Variants in OTULIN observed in about 807,000 individuals in gnomAD.
OTULIN encodes the protein ubiquitin thioesterase otulin.
In OTULIN, 15 loss-of-function variants were observed where a neutral mutation model predicts 39.6. The ratio of observed to expected loss-of-function variants is 0.38; its 90% CI spans 0.25 to 0.58. The LOEUF (loss-of-function observed/expected upper bound fraction) is 0.58. Among genes scored for constraint, OTULIN ranks in the 20% least tolerant of loss-of-function variants. OTULIN has a pLI of 0.66. For synonymous variants in OTULIN, 156 were observed against 170.3 expected (o/e 0.92, Z 0.65); for missense variants, 319 against 445.9 (o/e 0.72, Z 2.56).
downstream of OTULIN, among the ~76,000 whole-genome samples, chr5:14,704,228 G>C (rs1736872800): frequency 6.7e-6 from 1 of 149,954 alleles, no homozygotes; most frequent in African/African-American, 2.5e-5. Context: ...TACTCGGGAG[G>C]CTGAGGGAGG....
At position 14,664,782 on chromosome 5, in the gene OTULIN, G is replaced by C; in HGVS notation, c.-44G>C. Reference sequence around the variant, plus strand: ...TGGCACCCCGACGGGAGGGGCTCCGGATCGTTCGGAGCCGGCTGAACCCCT... The same window carrying C: ...TGGCACCCCGACGGGAGGGGCTCCGCATCGTTCGGAGCCGGCTGAACCCCT... On this transcript the variant is annotated 5_prime_UTR_variant, in exon 1 of 7. Coordinates refer to ENST00000284274, the MANE Select transcript of OTULIN (RefSeq NM_138348.6). 8.6e-7 allele frequency: 1 copy of C among 1,157,076 alleles called. No homozygotes were observed. The highest frequency in any genetic ancestry group is 1.1e-6 in the Non-Finnish European group (1 of 938,602). 71.7% of individuals were successfully genotyped at this position (1,157,076 alleles called of 1,614,324 possible). A position where few individuals can be genotyped will look rare whatever the true frequency, so the allele number is the denominator to read the frequency against.
intron 3 of OTULIN, among the ~76,000 whole-genome samples, chr5:14,679,312 C>T (rs1008953237): frequency 4.6e-5 from 7 of 152,106 alleles, no homozygotes; most frequent in Admixed American, 1.3e-4. Context: ...CTGTTTGGTC[C>T]GGTTCATTAC....
At chr5:14,704,324 C>T (rs796879966), downstream of OTULIN, among the ~76,000 whole-genome samples, 9 of 77,864 alleles carry the variant, frequency 1.2e-4, 1 homozygote, top group South Asian at 5.8e-4. Flanking sequence ...AGGGAGACTC[C>T]GTCTCAAAAA....
the OTULIN span, chr5:14,709,623 T>G: frequency 6.6e-6 from 1 of 152,370 alleles, no homozygotes; most frequent in Non-Finnish European, 1.5e-5. Context: ...CTTTCCAGCT[T>G]GCACTTCTAT....
intron 2 of OTULIN, 65 bp downstream of exon 2, chr5:14,673,783 C>A: frequency 7.5e-7 from 1 of 1,325,834 alleles, no homozygotes; most frequent in South Asian, 1.3e-5. Context: ...CAGTTAAATC[C>A]GTATAACCAT....
downstream of OTULIN, among the ~76,000 whole-genome samples, chr5:14,701,402 CTT>C (rs1736793722): frequency 6.6e-6 from 1 of 152,164 alleles, no homozygotes; most frequent in Non-Finnish European, 1.5e-5. Context: ...AAGGGAAAGA[CTT>C]TTGGACCCCC....
At position 14,694,159 on chromosome 5, in the gene OTULIN, C is replaced by G. The variant is rs536473911; in HGVS notation, c.*1111C>G. The G allele has an allele frequency of 2.0e-5, 3 of 152,316 alleles. No homozygotes were observed. The East Asian group carries it at 5.8e-4, about 29-fold the overall frequency. The allele number at this position is 152,316 out of a possible 1,614,324, so 9.4% of individuals were successfully genotyped here. A position where few individuals can be genotyped will look rare whatever the true frequency, so the allele number is the denominator to read the frequency against. On this transcript the variant is annotated 3_prime_UTR_variant, in exon 7 of 7. Transcript: ENST00000284274. Reference sequence around the variant, plus strand: ...ACCATCTTAAAATTTTTCATGAGTACATTTAAGCGGAAGCATACGGGAATA... The same window carrying G: ...ACCATCTTAAAATTTTTCATGAGTAGATTTAAGCGGAAGCATACGGGAATA...
chr5:14,706,588 G>T, the OTULIN span: 1 of 152,002 alleles, frequency 6.6e-6, no homozygotes. Context: ...GTGGAGTTTG[G>T]GTTATTTTGA....
At chr5:14,676,793 A>G (rs930359161) in intron 2 of OTULIN, among the ~76,000 whole-genome samples, 1 of 152,220 alleles carries the variant, frequency 6.6e-6, no homozygotes, top group African/African-American at 2.4e-5. Flanking sequence ...GACTCTGGAC[A>G]TTCGCATTTC....
chr5:14,705,630 C>CA, the OTULIN span: 1 of 152,568 alleles, frequency 6.6e-6, no homozygotes, highest in Non-Finnish European at 1.5e-5. Context: ...GTTCCCTGAT[C>CA]AGTACATCAT....
In OTULIN at chr5:14,681,760, A is replaced by T. The variant is rs1003013702; in HGVS notation, c.468+153A>T. The T allele has an allele frequency of 3.5e-6, 3 of 869,134 alleles. 1 individual carries two copies. Among genetic ancestry groups the T allele is most frequent in the Non-Finnish European group, 1.6e-6 (1 of 606,178 alleles). The allele number at this position is 869,134 out of a possible 1,614,324, so 53.8% of individuals were successfully genotyped here. ...TTTTGTGTGGCTGGGGTGATTTCAC[A>T]TAGTTAAATGACCAAAAATAATTGG... On this transcript the variant is annotated intron_variant, in intron 4 of 6. Transcript: ENST00000284274.
At chr5:14,704,329 CAAAAAAA>C (rs1194771023), downstream of OTULIN, among the ~76,000 whole-genome samples, 57 of 65,516 alleles carry the variant, frequency 8.7e-4, no homozygotes, top group African/African-American at 3.4e-3. Context: ...GACTCCGTCT[CAAAAAAA>C]AAAAAAAAAA....
intron 4 of OTULIN, among the ~76,000 whole-genome samples, chr5:14,682,402 A>G (rs1560997649): frequency 6.6e-6 from 1 of 152,328 alleles, no homozygotes; most frequent in East Asian, 1.9e-4. Flanking sequence ...CATCAACATC[A>G]AAGCAAGACC....
At chr5:14,713,334 T>A in the OTULIN span, among the ~76,000 whole-genome samples, 1 of 152,306 alleles carries the variant, frequency 6.6e-6, no homozygotes, top group South Asian at 2.1e-4. This position sits in a 1 kb window ranked among gnomAD's most constrained non-coding sequence, Gnocchi z 4.4. Context: ...GTGGCTATTA[T>A]TCGTGTCTGG....
chr5:14,668,610 CTAAGT>C (rs1419154555), intron 1 of OTULIN, among the ~76,000 whole-genome samples: 2 of 151,974 alleles, frequency 1.3e-5, no homozygotes, highest in African/African-American at 2.4e-5. Flanking sequence ...ATAGGAGAGG[CTAAGT>C]TAAGTATGAA....
At chr5:14,665,709 CAG>C (rs1560989105) in intron 1 of OTULIN, among the ~76,000 whole-genome samples, 2 of 152,008 alleles carry the variant, frequency 1.3e-5, no homozygotes, top group African/African-American at 4.8e-5. Context: ...GCCAGTTTGA[CAG>C]ATATTTTAAC....
the OTULIN span, chr5:14,712,911 A>G: frequency 1.9e-6 from 3 of 1,613,332 alleles, no homozygotes; most frequent in Non-Finnish European, 2.5e-6. Flanking sequence ...GATGGCGACC[A>G]TGGTGGATTC....
chr5:14,708,903 T>G, the OTULIN span: 1 of 152,028 alleles, frequency 6.6e-6, no homozygotes, highest in Non-Finnish European at 1.5e-5. Context: ...GGATTTTTTT[T>G]TTTTTTGAGA....
At chr5:14,685,108 T>C (rs755233715) in intron 4 of OTULIN, among the ~76,000 whole-genome samples, 1 of 152,232 alleles carries the variant, frequency 6.6e-6, no homozygotes, top group Non-Finnish European at 1.5e-5. Context: ...CTTTAGAGTT[T>C]GGTTTCCAAG....
Sources: gnomAD v4.1 joint callset for allele counts (sites outside exome capture counted in the v4.1 genomes callset) on GRCh38, gnomAD v4.1.1 for gene constraint, Gnocchi (gnomAD v3.1) non-coding constraint, MANE v1.5 for transcripts, NCBI Gene and HGNC (gene_info 2026-07-23, HGNC 2026-07-21) for gene names.